The following ITGB8 variants were observed in gnomAD, a reference collection of about 807,000 sequenced individuals.
The protein encoded by ITGB8 is integrin beta-8.
ITGB8 carries 30 observed loss-of-function variants against 89.5 expected under a neutral mutation model. The observed-to-expected ratio is 0.34, with a 90% CI of 0.25 to 0.45. The LOEUF (loss-of-function observed/expected upper bound fraction) is 0.45, where lower values mean the gene tolerates loss of function less well. Among genes scored for constraint, ITGB8 ranks in the 20% least tolerant of loss-of-function variants. The probability of loss-of-function intolerance (pLI) is 1.00; values close to 1 mark genes in which losing one functional copy is unlikely to be tolerated. For missense variants in ITGB8, 836 were observed against 933.3 expected, an observed-to-expected ratio of 0.90 and a Z score of 1.36; for synonymous variants, 335 against 320.4, an observed-to-expected ratio of 1.05 and a Z score of -0.49.
chr7:20,360,195 T>G (rs1392757994), intron 1 of ITGB8, among the ~76,000 whole-genome samples: 3 of 152,116 alleles, frequency 2.0e-5, no homozygotes, highest in African/African-American at 4.8e-5. Context: ...ACTTGTGAAT[T>G]TGTTTTTGCC....
At chr7:20,348,528 G>A (rs189587022) in intron 1 of ITGB8, among the ~76,000 whole-genome samples, 197 of 152,180 alleles carry the variant, frequency 1.3e-3, no homozygotes, top group African/African-American at 4.1e-3. Flanking sequence ...TTATTGTTCC[G>A]TTATCCAGTG....
chr7:20,375,079 G>C (rs942218209), intron 3 of ITGB8, among the ~76,000 whole-genome samples: 1 of 152,132 alleles, frequency 6.6e-6, no homozygotes, highest in Admixed American at 6.5e-5. Context: ...TAAGGAAAGT[G>C]AGTGAAAACT....
At chr7:20,339,339 T>C (rs1210163565) in intron 1 of ITGB8, among the ~76,000 whole-genome samples, 1 of 152,236 alleles carries the variant, frequency 6.6e-6, no homozygotes, top group South Asian at 2.1e-4. Flanking sequence ...ACTATATTCA[T>C]GGAGTAAAAG....
At chr7:20,381,167 CT>C (rs35466081) in intron 5 of ITGB8, 42,622 of 159,542 alleles carry the variant, frequency 0.27, 5,668 homozygotes, top group Non-Finnish European at 0.32. Context: ...TGTTCTCCTA[CT>C]TTTTTTTTTT....
chr7:20,334,844 A>G (rs1405322099), intron 1 of ITGB8, among the ~76,000 whole-genome samples: 3 of 152,210 alleles, frequency 2.0e-5, no homozygotes, highest in African/African-American at 7.2e-5. Flanking sequence ...GTGCCCCAAA[A>G]TAACTTCTTC....
At chr7:20,390,764 A>G (rs1786821413) in intron 6 of ITGB8, among the ~76,000 whole-genome samples, 1 of 152,124 alleles carries the variant, frequency 6.6e-6, no homozygotes, top group Non-Finnish European at 1.5e-5. Context: ...CTTGCCAGCA[A>G]TCATGGAAGG....
intron 9 of ITGB8, 103 bp from the exon 10 acceptor site, chr7:20,401,618 C>A: frequency 1.5e-6 from 1 of 653,488 alleles, no homozygotes; most frequent in Non-Finnish European, 2.4e-6. Flanking sequence ...TCGTTAATTT[C>A]TCTAAGATGG....
At position 20,387,237 on chromosome 7, in the gene ITGB8, G is replaced by A. The variant is rs181676275; in HGVS notation, c.961-4166G>A. Among the ~76,000 whole-genome samples the A allele has an allele frequency of 6.6e-5, 10 of 152,312 alleles. No individual in the cohort carries two copies. In the East Asian group the frequency reaches 1.7e-3, roughly 26 times the overall value. On this transcript the variant is annotated intron_variant, in intron 6 of 13. Transcript: ENST00000222573. ...TTTATAAATGAGGAGGGAAAAAGGT[G>A]CTAAAGAGATCAGCATCTTGTCTGG...
In ITGB8 at chr7:20,413,258, T is replaced by C. The variant is rs1166477307; in HGVS notation, c.*3261T>C. The C allele has an allele frequency of 6.6e-6, 1 of 152,512 alleles. No homozygotes were observed. Among genetic ancestry groups the C allele is most frequent in the African/African-American group, 2.4e-5 (1 of 41,442 alleles). 9.4% of individuals were successfully genotyped at this position (152,512 alleles called of 1,614,324 possible). ...ATTAAAATAAAAAAAAAATCTAAGA[T>C]TAAACACAGTAGATATCTCTGGAGG... On this transcript the variant is annotated 3_prime_UTR_variant, in exon 14 of 14. Coordinates refer to ENST00000222573, the MANE Select transcript of ITGB8 (RefSeq NM_002214.3).
chr7:20,345,584 C>A (rs1404403621), intron 1 of ITGB8, among the ~76,000 whole-genome samples: 1 of 151,854 alleles, frequency 6.6e-6, no homozygotes, highest in African/African-American at 2.4e-5. Flanking sequence ...TTGTGGATAA[C>A]TGGAGAAAGG....
intron 2 of ITGB8, 147 bp downstream of exon 2, chr7:20,363,869 G>T: frequency 2.2e-6 from 1 of 448,668 alleles, no homozygotes; most frequent in East Asian, 3.3e-5. Context: ...TTTTATGCTT[G>T]GAAACAGCAT....
chr7:20,386,261 C>A (rs998511018), intron 6 of ITGB8, among the ~76,000 whole-genome samples: 6 of 120,694 alleles, frequency 5.0e-5, no homozygotes, highest in South Asian at 2.4e-4. Context: ...TTTTTTGAGA[C>A]GGAATCTCAC....
chr7:20,404,454 C>T (rs1787449825), intron 10 of ITGB8, among the ~76,000 whole-genome samples, 174 bp from the exon 11 acceptor site: 1 of 152,214 alleles, frequency 6.6e-6, no homozygotes, highest in African/African-American at 2.4e-5. Context: ...GCTTTGAAAA[C>T]AGACCCTCCT....
intron 6 of ITGB8, among the ~76,000 whole-genome samples, chr7:20,388,571 A>G (rs551167915): frequency 6.6e-6 from 1 of 152,264 alleles, no homozygotes; most frequent in South Asian, 2.1e-4. Context: ...TTTCTTTTAA[A>G]AGAGATTTCT....
intron 6 of ITGB8, among the ~76,000 whole-genome samples, chr7:20,383,186 G>A (rs372354368): frequency 1.3e-5 from 2 of 152,280 alleles, no homozygotes; most frequent in South Asian, 4.1e-4. Context: ...CAGATCTGTT[G>A]AAATTCTAGA....
At position 20,379,128 on chromosome 7, in the gene ITGB8, T is replaced by C. The variant is rs1786272204; in HGVS notation, c.466T>C (p.Ser156Pro). ...PVDLYYLVDV[S>P]ASMHNNIEKL... ...GGATCTTTATTATCTTGTTGATGTCTCAGCATCAATGCACAATAATATAGA... is the reference window on the plus strand; with the variant it reads ...GGATCTTTATTATCTTGTTGATGTCCCAGCATCAATGCACAATAATATAGA... The change falls in exon 4 of 14, where the codon TCA becomes CCA. Residue 156 changes from serine (S) to proline (P), a missense_variant. By Grantham distance (74) the Ser-to-Pro change is moderately conservative (BLOSUM62 -1). Transcript: ENST00000222573. 6.2e-7 allele frequency: 1 copy of C among 1,601,942 alleles called. No homozygotes were observed. The highest frequency in any genetic ancestry group is 8.5e-7 in the Non-Finnish European group (1 of 1,171,924).
At chr7:20,371,501 C>T (rs1012565785) in intron 3 of ITGB8, among the ~76,000 whole-genome samples, 1 of 151,804 alleles carries the variant, frequency 6.6e-6, no homozygotes, top group South Asian at 2.1e-4. Context: ...TAAAAGCAAC[C>T]TAGAATGTAA....
At chr7:20,406,285 T>G in intron 12 of ITGB8, 114 bp downstream of exon 12, 1 of 687,808 alleles carries the variant, frequency 1.5e-6, no homozygotes. Flanking sequence ...GTGTGGTGGC[T>G]CACACCTGTA....
At chr7:20,363,463 C>T (rs1724278794) in intron 1 of ITGB8, among the ~76,000 whole-genome samples, 174 bp from the exon 2 acceptor site, 1 of 152,058 alleles carries the variant, frequency 6.6e-6, no homozygotes, top group African/African-American at 2.4e-5. Context: ...TACAATGAGC[C>T]GGTCGACTCT....
Sources: allele counts gnomAD v4.1 joint callset (sites outside exome capture counted in the v4.1 genomes callset), GRCh38; gene constraint gnomAD v4.1.1; transcripts MANE v1.5; gene names NCBI Gene and HGNC (gene_info 2026-07-23, HGNC 2026-07-21).